The following MMRN1 variants were observed in gnomAD, a reference collection of about 807,000 sequenced individuals.
The protein encoded by MMRN1 is multimerin-1.
A neutral mutation model predicts 100.7 loss-of-function variants in MMRN1; 94 were observed. That is an observed-to-expected ratio of 0.93 (90% CI 0.79 to 1.11). The LOEUF (loss-of-function observed/expected upper bound fraction) is 1.11, where lower values mean the gene tolerates loss of function less well. Ranked by LOEUF, MMRN1 falls within the 50% of genes least tolerant of loss-of-function variation. The pLI is 0.00. For synonymous variants in MMRN1, 575 were observed against 505.0 expected, an observed-to-expected ratio of 1.14 and a Z score of -1.86; for missense variants, 1,606 against 1,439.1, an observed-to-expected ratio of 1.12 and a Z score of -1.88.
intron 6 of MMRN1, among the ~76,000 whole-genome samples, chr4:89,946,040 G>T (rs1457831465): frequency 6.6e-6 from 1 of 152,190 alleles, no homozygotes; most frequent in Non-Finnish European, 1.5e-5. Flanking sequence ...CCTAGAAGTT[G>T]CTGGCAATGG....
rs966097568 is a variant in MMRN1, at chr4:89,952,902, C to G, written c.3266-95C>G. 4.7e-6 allele frequency: 6 copies of G among 1,267,084 alleles called. No individual in the cohort carries two copies. The African/African-American group carries it at 6.0e-5, about 13-fold the overall frequency. The allele number at this position is 1,267,084 out of a possible 1,614,324, so 78.5% of individuals were successfully genotyped here. A position where few individuals can be genotyped will look rare whatever the true frequency, so the allele number is the denominator to read the frequency against. ...GGATGGCCTTTCTCTTCTGCTAAGA[C>G]TTTTTGTAACTGAGATAAAAATGAC... is the stretch of plus-strand genomic sequence containing the variant. On this transcript the variant is annotated intron_variant, in intron 7 of 7. Coordinates refer to ENST00000264790, the MANE Select transcript of MMRN1 (RefSeq NM_007351.3).
chr4:89,888,919 AT>A (rs199904972), intron 1 of MMRN1, among the ~76,000 whole-genome samples: 1 of 151,690 alleles, frequency 6.6e-6, no homozygotes, highest in Non-Finnish European at 1.5e-5. Context: ...TGTTTTCTTG[AT>A]TTTTTTAGGG....
In MMRN1 at chr4:89,935,686, A is replaced by G; in HGVS notation, c.2006A>G (p.Lys669Arg). The stretch of plus-strand genomic sequence containing the variant: ...CAGACAATGACATATGAACAACCAA[A>G]GGAAGCAATAGTGATAAGGAAAAAG... ...LRQTMTYEQP[K>R]EAIVIRKKIE... Residue 669 changes from lysine (K) to arginine (R), a missense_variant, in exon 6 of 8, where the codon AAG becomes AGG. Transcript: ENST00000264790. 6.2e-7 allele frequency: 1 copy of G among 1,613,072 alleles called. No homozygotes were observed. Among genetic ancestry groups the G allele is most frequent in the Non-Finnish European group, 8.5e-7 (1 of 1,179,648 alleles).
Position 89,936,802 on chromosome 4 carries a change from A to C in MMRN1, c.3118+4A>C. ...ACGGACAACATAATATATCCTGGTAAGCTGTTACTGAAAAGTAACTTTTAA... is the reference window on the plus strand; with the variant it reads ...ACGGACAACATAATATATCCTGGTACGCTGTTACTGAAAAGTAACTTTTAA... On this transcript the variant is annotated splice_donor_region_variant and intron_variant, in intron 6 of 7. Coordinates refer to ENST00000264790, the MANE Select transcript of MMRN1 (RefSeq NM_007351.3). 6.4e-7 allele frequency: 1 copy of C among 1,566,316 alleles called. No homozygotes were observed. Among genetic ancestry groups the C allele is most frequent in the African/African-American group, 1.4e-5 (1 of 72,712 alleles).
Position 89,935,895 on chromosome 4 carries a change from A to C in MMRN1, c.2215A>C (p.Ile739Leu). 1 of 1,609,312 alleles carries C rather than the reference A, an allele frequency of 6.2e-7. No individual in the cohort carries two copies. Among genetic ancestry groups the C allele is most frequent in the Non-Finnish European group, 8.5e-7 (1 of 1,177,822 alleles). ...GACAATGACTATTATAAATAATGCT[A>C]TTGATTTCATTCAAGATAACTATGC... Reference protein sequence around the residue: ...NKTMTIINNAIDFIQDNYALK... With the variant: ...NKTMTIINNALDFIQDNYALK... Residue 739 changes from isoleucine to leucine, a missense_variant, in exon 6 of 8, where the codon ATT becomes CTT. Transcript: ENST00000264790.
chr4:89,925,187 A>C (rs1578486581), intron 4 of MMRN1, among the ~76,000 whole-genome samples: 2 of 151,146 alleles, frequency 1.3e-5, no homozygotes, highest in Admixed American at 6.6e-5. Context: ...CCCAGGCAGG[A>C]GTGCAGTGGA....
chr4:89,950,267 A>C (rs974158371), intron 6 of MMRN1, among the ~76,000 whole-genome samples: 4 of 152,128 alleles, frequency 2.6e-5, no homozygotes, highest in Non-Finnish European at 4.4e-5. Context: ...GGAGTCTTTA[A>C]ATTTTTCAAG....
intron 1 of MMRN1, among the ~76,000 whole-genome samples, chr4:89,907,831 T>TG (rs1002530422): frequency 1.1e-4 from 17 of 148,490 alleles, no homozygotes; most frequent in African/African-American, 4.2e-4. Flanking sequence ...GTTTTTTTGT[T>TG]TTTTTTTTTT....
Position 89,934,955 on chromosome 4 carries a change from A to C in MMRN1, c.1275A>C (p.Gln425His), listed in dbSNP as rs971761456. ...CAGAGGACCTCGAAAGCACCAGGCA[A>C]ATAATTCAAAAAGTTAATGAATCTG... ...SLSEDLESTR[Q>H]IIQKVNESVV... Residue 425 changes from glutamine to histidine, a missense_variant, in exon 6 of 8, where the codon CAA becomes CAC. Physicochemically the swap from Gln to His is conservative, Grantham distance 24 (BLOSUM62 0). Transcript: ENST00000264790. 1.2e-6 allele frequency: 2 copies of C among 1,613,666 alleles called. No individual in the cohort carries two copies. Among genetic ancestry groups the C allele is most frequent in the Non-Finnish European group, 1.7e-6 (2 of 1,179,796 alleles).
At chr4:89,894,359 G>A (rs535266315), upstream of MMRN1, among the ~76,000 whole-genome samples, 2 of 152,144 alleles carry the variant, frequency 1.3e-5, no homozygotes, top group African/African-American at 4.8e-5. Flanking sequence ...ATACATGTAT[G>A]TAGATAGATG....
rs766199913 is a variant in MMRN1 at position 89,934,973 on chromosome 4, T to C, written c.1293T>C (p.Asn431=). 1.2e-6 allele frequency: 2 copies of C among 1,613,560 alleles called. No homozygotes were observed. The highest frequency in any genetic ancestry group is 2.2e-5 in the South Asian group (2 of 91,006). Residue 431 remains asparagine, a synonymous_variant, in exon 6 of 8, where the codon AAT becomes AAC. Coordinates refer to ENST00000264790, the MANE Select transcript of MMRN1 (RefSeq NM_007351.3). The part of the protein sequence containing the change: ...ESTRQIIQKV[N]ESVVSIAAQQ... ...CCAGGCAAATAATTCAAAAAGTTAA[T>C]GAATCTGTGGTTTCAATAGCAGCCC...
At chr4:89,924,610 C>T (rs142595770) in intron 4 of MMRN1, among the ~76,000 whole-genome samples, 10,311 of 151,460 alleles carry the variant, frequency 0.068, 484 homozygotes, top group African/African-American at 0.13. Context: ...TTTGGGAGGC[C>T]GAGGCGGGTG....
chr4:89,925,285 C>G (rs6532202), intron 4 of MMRN1, among the ~76,000 whole-genome samples: 94,203 of 145,412 alleles, frequency 0.65, 31,252 homozygotes, highest in African/African-American at 0.78. Flanking sequence ...ACAGGCACGT[C>G]CCACCATGCC....
chr4:89,909,900 T>C (rs1261143094), intron 2 of MMRN1, among the ~76,000 whole-genome samples: 1 of 151,452 alleles, frequency 6.6e-6, no homozygotes. Flanking sequence ...TAATTAGCCA[T>C]GTCATTTGAT....
intron 6 of MMRN1, among the ~76,000 whole-genome samples, chr4:89,942,962 C>T (rs141904326): frequency 3.3e-3 from 495 of 152,030 alleles, no homozygotes; most frequent in Non-Finnish European, 5.7e-3. Flanking sequence ...TTGAAATTTG[C>T]GTGGAAATTT....
In MMRN1 at chr4:89,936,376, T is replaced by G; in HGVS notation, c.2696T>G (p.Leu899Ter). ...ERDQALQLQV[L>*]NSRFKALEAK... Reference sequence around the variant, plus strand: ...GATCAGGCTCTTCAACTGCAAGTATTAAATTCCAGATTTAAGGCGTTGGAA... The same window carrying G: ...GATCAGGCTCTTCAACTGCAAGTATGAAATTCCAGATTTAAGGCGTTGGAA... Residue 899 changes from leucine (L) to a stop codon, truncating the protein, a stop_gained, in exon 6 of 8, where the codon TTA (leucine) becomes TGA (stop). Coordinates refer to ENST00000264790, the MANE Select transcript of MMRN1 (RefSeq NM_007351.3). LOFTEE classifies it high-confidence loss of function. 1.2e-6 allele frequency: 2 copies of G among 1,609,362 alleles called. No individual in the cohort carries two copies. The highest frequency in any genetic ancestry group is 1.3e-5 in the African/African-American group (1 of 74,752).
intron 1 of MMRN1, among the ~76,000 whole-genome samples, chr4:89,879,922 C>G (rs1720783661): frequency 6.6e-6 from 1 of 152,154 alleles, no homozygotes; most frequent in South Asian, 2.1e-4. Flanking sequence ...GAATCCACTA[C>G]TAAATCAACA....
At chr4:89,909,826 A>G (rs1486576100) in intron 2 of MMRN1, among the ~76,000 whole-genome samples, 1 of 151,382 alleles carries the variant, frequency 6.6e-6, no homozygotes, top group Non-Finnish European at 1.5e-5. Context: ...AAATTAGGAG[A>G]GCTTCTAGTT....
intron 2 of MMRN1, among the ~76,000 whole-genome samples, chr4:89,911,521 T>C (rs570960948): frequency 6.6e-6 from 1 of 151,474 alleles, no homozygotes; most frequent in South Asian, 2.1e-4. Context: ...TTGTTTCAAG[T>C]TGTTTGATAC....
Sources: gnomAD v4.1 joint callset for allele counts (sites outside exome capture counted in the v4.1 genomes callset) on GRCh38, gnomAD v4.1.1 for gene constraint, MANE v1.5 for transcripts, NCBI Gene and HGNC (gene_info 2026-07-23, HGNC 2026-07-21) for gene names.